The following CTNNA3 variants were observed in gnomAD, a reference collection of about 807,000 sequenced individuals.
CTNNA3 encodes the protein catenin alpha 3.
Under a neutral mutation model 95.7 loss-of-function variants are expected in CTNNA3, and 76 were observed. The ratio of observed to expected loss-of-function variants is 0.79; its 90% CI spans 0.66 to 0.96. The LOEUF is 0.96. CTNNA3 is among the 40% of genes least tolerant of loss of function. The probability of loss-of-function intolerance (pLI) is 0.00; values close to 1 mark genes in which losing one functional copy is unlikely to be tolerated. For synonymous variants in CTNNA3, 431 were observed against 374.4 expected (o/e 1.15, Z -1.74); for missense variants, 1,191 against 1,089.8 (o/e 1.09, Z -1.31).
intron 7 of CTNNA3, among the ~76,000 whole-genome samples, chr10:66,944,595 G>A (rs892517272): frequency 6.6e-6 from 1 of 151,966 alleles, no homozygotes; most frequent in Non-Finnish European, 1.5e-5. Flanking sequence ...AATTTACTTT[G>A]CCCAGATCCA....
In CTNNA3 at chr10:66,531,839, TTAAC is replaced by T. The variant is rs571827329; in HGVS notation, c.1375-11070_1375-11067del. ...TACAGTTTAAAGTAATAAAAATACT[TTAAC>T]TGGCAATGATGAAAAAATAAATATA... On this transcript the variant is annotated intron_variant, in intron 10 of 17. Transcript: ENST00000433211. Among the ~76,000 whole-genome samples the T allele has an allele frequency of 2.1e-3, 326 of 152,190 alleles. 2 individuals are homozygous for T. The highest frequency in any genetic ancestry group is 7.3e-3 in the African/African-American group (304 of 41,542).
intron 16 of CTNNA3, among the ~76,000 whole-genome samples, chr10:65,970,312 G>C (rs2078066598): frequency 6.6e-6 from 1 of 152,014 alleles, no homozygotes; most frequent in South Asian, 2.1e-4. Context: ...GCTGATACCT[G>C]CTACCACAAA....
At chr10:66,348,514 G>A (rs1410374185) in intron 12 of CTNNA3, among the ~76,000 whole-genome samples, 1 of 152,036 alleles carries the variant, frequency 6.6e-6, no homozygotes, top group African/African-American at 2.4e-5. Context: ...AAACTATCAG[G>A]TTGAATCATA....
chr10:66,120,996 T>A (rs777634376), intron 13 of CTNNA3, among the ~76,000 whole-genome samples: 10 of 152,296 alleles, frequency 6.6e-5, no homozygotes, highest in Non-Finnish European at 1.3e-4. Flanking sequence ...TTTTCATACA[T>A]TTCAAGCTTC....
intron 5 of CTNNA3, among the ~76,000 whole-genome samples, chr10:67,280,978 C>T (rs1839377374): frequency 6.6e-6 from 1 of 152,050 alleles, no homozygotes; most frequent in Non-Finnish European, 1.5e-5. Flanking sequence ...CAAAATGTGT[C>T]AATCATCAAA....
At chr10:67,256,917 A>C (rs1434199519) in intron 5 of CTNNA3, among the ~76,000 whole-genome samples, 2 of 152,156 alleles carry the variant, frequency 1.3e-5, no homozygotes, top group Non-Finnish European at 2.9e-5. Context: ...AGTTTAGTTA[A>C]ATAAAAAAAA....
At chr10:66,869,632 GGT>G (rs1844317527) in intron 7 of CTNNA3, among the ~76,000 whole-genome samples, 3 of 151,984 alleles carry the variant, frequency 2.0e-5, no homozygotes, top group African/African-American at 7.3e-5. Context: ...TGGTGCAGGA[GGT>G]AAGTAGTAGA....
At chr10:66,114,261 C>CA (rs953579282) in intron 13 of CTNNA3, among the ~76,000 whole-genome samples, 15 of 151,794 alleles carry the variant, frequency 9.9e-5, no homozygotes, top group Admixed American at 4.6e-4. Context: ...TTTTCTTTTC[C>CA]AAAAATGCTA....
chr10:66,408,131 C>G (rs542056491), intron 11 of CTNNA3, among the ~76,000 whole-genome samples: 1 of 152,172 alleles, frequency 6.6e-6, no homozygotes, highest in South Asian at 2.1e-4. Context: ...ATAGCTTCAT[C>G]TGCACAGATT....
intron 7 of CTNNA3, among the ~76,000 whole-genome samples, chr10:66,885,930 C>T (rs183497303): frequency 7.4e-4 from 113 of 152,200 alleles, no homozygotes; most frequent in African/African-American, 2.6e-3. Flanking sequence ...ACTGCCCAAC[C>T]AACTTTCTTC....
intron 9 of CTNNA3, among the ~76,000 whole-genome samples, chr10:66,633,291 TA>T (rs534928545): frequency 9.9e-5 from 15 of 152,074 alleles, no homozygotes; most frequent in African/African-American, 3.6e-4. Flanking sequence ...TATGATTCTG[TA>T]AAAAAAATAA....
intron 7 of CTNNA3, among the ~76,000 whole-genome samples, chr10:67,089,876 G>A (rs2131905094): frequency 6.6e-6 from 1 of 151,990 alleles, no homozygotes; most frequent in African/African-American, 2.4e-5. Context: ...CAGAAATTGT[G>A]TCTTCATCAT....
At chr10:67,075,029 A>G (rs1004486642) in intron 7 of CTNNA3, among the ~76,000 whole-genome samples, 5 of 152,120 alleles carry the variant, frequency 3.3e-5, no homozygotes, top group Non-Finnish European at 7.3e-5. Flanking sequence ...GGCACTTGAG[A>G]AAGCTATCTT....
At chr10:67,280,957 G>A (rs76091146) in intron 5 of CTNNA3, among the ~76,000 whole-genome samples, 9 of 152,178 alleles carry the variant, frequency 5.9e-5, no homozygotes, top group African/African-American at 1.9e-4. Context: ...TCTATTGTCA[G>A]TTTATTTTGG....
intron 15 of CTNNA3, among the ~76,000 whole-genome samples, chr10:66,024,008 T>C (rs1327938718): frequency 6.6e-6 from 1 of 152,018 alleles, no homozygotes; most frequent in African/African-American, 2.4e-5. Context: ...AGATAGCTTC[T>C]TGTTAGAACA....
At chr10:67,337,618 AT>A (rs577995587) in intron 5 of CTNNA3, among the ~76,000 whole-genome samples, 172 of 152,214 alleles carry the variant, frequency 1.1e-3, no homozygotes, top group African/African-American at 3.8e-3. Context: ...CTATAGAGAA[AT>A]TTTTCATTAA....
chr10:67,237,120 G>GTATATATATATATA (rs1491319724), intron 5 of CTNNA3, among the ~76,000 whole-genome samples: 2 of 15,660 alleles, frequency 1.3e-4, no homozygotes, highest in Non-Finnish European at 2.1e-4. Context: ...AGAAACTATG[G>GTATATATATATATA]TGTATGTATA....
At chr10:67,317,362 GT>G (rs2132542129) in intron 5 of CTNNA3, among the ~76,000 whole-genome samples, 1 of 96,598 alleles carries the variant, frequency 1.0e-5, no homozygotes, top group African/African-American at 4.0e-5. Flanking sequence ...TCCCTCCCCC[GT>G]CCCCCCACCC....
chr10:67,306,157 A>G (rs1239384996), intron 5 of CTNNA3, among the ~76,000 whole-genome samples: 1 of 152,188 alleles, frequency 6.6e-6, no homozygotes, highest in African/African-American at 2.4e-5. Flanking sequence ...GAAAGAACTG[A>G]TAGCAAAAAA....
Sources: allele counts gnomAD v4.1 joint callset (sites outside exome capture counted in the v4.1 genomes callset), GRCh38; gene constraint gnomAD v4.1.1; transcripts MANE v1.5; gene names NCBI Gene and HGNC (gene_info 2026-07-23, HGNC 2026-07-21).